The following IGSF9B variants were observed in gnomAD, a reference collection of about 807,000 sequenced individuals.
IGSF9B encodes protein turtle homolog B.
In IGSF9B, 48 loss-of-function variants were observed where a neutral mutation model predicts 143.7. The observed-to-expected ratio is 0.33, with a 90% CI of 0.26 to 0.42. IGSF9B has a LOEUF of 0.42. IGSF9B is among the 20% of genes least tolerant of loss of function. The pLI, the probability that IGSF9B is intolerant of heterozygous loss-of-function variation, is 1.00. For synonymous variants in IGSF9B, 903 were observed against 833.1 expected (o/e 1.08, Z -1.44); for missense variants, 1,706 against 1,980.0 (o/e 0.86, Z 2.63).
rs188289248 is a variant in IGSF9B, at chr11:133,917,814, T to C, written c.3983+1928A>G. ...GGAGAAGGGATGCTATGCCTGGGGC[T>C]GCTGGGAGAATAGGGTGCGGGGGGG... On this transcript the variant is annotated intron_variant, in intron 18 of 19. Coordinates refer to ENST00000533871, the MANE Select transcript of IGSF9B (RefSeq NM_001277285.4). 4.5e-3 allele frequency among the ~76,000 whole-genome samples: 688 copies of C among 152,138 alleles called. 3 individuals are homozygous for C. The highest frequency in any genetic ancestry group is 0.016 in the African/African-American group (666 of 41,522).
In IGSF9B at chr11:133,902,568, CCACACA is replaced by C. The variant is rs147664648; in HGVS notation, c.*6495_*6500del. Among the ~76,000 whole-genome samples the C allele has an allele frequency of 1.4e-5, 2 of 145,092 alleles. No homozygotes were observed. Among genetic ancestry groups the C allele is most frequent in the East Asian group, 2.1e-4 (1 of 4,850 alleles). On this transcript the variant is annotated 3_prime_UTR_variant, in exon 20 of 20. Transcript: ENST00000533871. Reference sequence around the variant, plus strand: ...CACACACCACATACACACACACACCCCACACACACACACACACACCCCACTTACTTC... The same window carrying C: ...CACACACCACATACACACACACACCCCACACACACACACCCCACTTACTTC...
chr11:133,918,584 T>C (rs1939440821), intron 18 of IGSF9B, among the ~76,000 whole-genome samples: 1 of 151,544 alleles, frequency 6.6e-6, no homozygotes, highest in African/African-American at 2.4e-5. Flanking sequence ...ACCCCCTTCC[T>C]CGGCCGGCCC....
intron 5 of IGSF9B, among the ~76,000 whole-genome samples, chr11:133,936,872 C>T (rs1293572293): frequency 6.6e-6 from 1 of 152,220 alleles, no homozygotes; most frequent in African/African-American, 2.4e-5. Flanking sequence ...TGCACAGTTC[C>T]TGGCCCCTCT....
At chr11:133,946,427 C>T (rs994571463) in intron 1 of IGSF9B, 169 bp from the exon 2 acceptor site, 49 of 618,790 alleles carry the variant, frequency 7.9e-5, no homozygotes, top group Non-Finnish European at 1.4e-4. Context: ...CTCTCCCCCT[C>T]GCTGCTCATA....
chr11:133,941,639 G>A (rs1267393190), intron 3 of IGSF9B, among the ~76,000 whole-genome samples: 1 of 152,200 alleles, frequency 6.6e-6, no homozygotes, highest in African/African-American at 2.4e-5. Context: ...CCTGTGCGCA[G>A]GTAGGTGCCT....
chr11:133,932,024 C>T (rs775508774), intron 8 of IGSF9B, 47 bp downstream of exon 8: 44 of 1,583,468 alleles, frequency 2.8e-5, no homozygotes, highest in Middle Eastern at 3.4e-4. Context: ...CATCACAGTA[C>T]TGGGGGGAGC....
intron 18 of IGSF9B, among the ~76,000 whole-genome samples, chr11:133,918,480 A>G (rs1297918979): frequency 2.6e-5 from 4 of 152,072 alleles, no homozygotes; most frequent in African/African-American, 9.7e-5. Context: ...AGATGAGCTG[A>G]GCGCGCACAA....
At chr11:133,951,818 T>G in intron 1 of IGSF9B, 1 of 192,300 alleles carries the variant, frequency 5.2e-6, no homozygotes, top group Non-Finnish European at 1.1e-5. Context: ...CTGGGCTCCG[T>G]GGTAAGATGC....
At chr11:133,927,637 C>A (rs1395076052) in intron 12 of IGSF9B, among the ~76,000 whole-genome samples, 1 of 152,172 alleles carries the variant, frequency 6.6e-6, no homozygotes, top group Non-Finnish European at 1.5e-5. Flanking sequence ...ACAGTGGGGC[C>A]AGGATCCCTA....
intron 18 of IGSF9B, among the ~76,000 whole-genome samples, chr11:133,918,087 C>G (rs1288035453): frequency 6.6e-6 from 1 of 151,234 alleles, no homozygotes; most frequent in East Asian, 2.0e-4. Context: ...CGGTGCCGAG[C>G]GTGGCTCGAT....
rs1939267361 is a variant in IGSF9B, at chr11:133,909,496, A to G, written c.4106-219T>C. On this transcript the variant is annotated intron_variant, in intron 19 of 19. Coordinates refer to ENST00000533871, the MANE Select transcript of IGSF9B (RefSeq NM_001277285.4). The surrounding 1 kb of genome is among the most constrained non-coding windows in gnomAD (Gnocchi z 4.2). ...TGACCCTGCTCCTTTCACTTGAATAAGAGTTAAGAAAGTGGAATGGAGAGG... is the reference window on the plus strand; with the variant it reads ...TGACCCTGCTCCTTTCACTTGAATAGGAGTTAAGAAAGTGGAATGGAGAGG... 6.6e-6 allele frequency among the ~76,000 whole-genome samples: 1 copy of G among 152,204 alleles called. No individual in the cohort carries two copies. Among genetic ancestry groups the G allele is most frequent in the Non-Finnish European group, 1.5e-5 (1 of 68,042 alleles).
At chr11:133,952,570 G>T (rs915638813) in intron 1 of IGSF9B, among the ~76,000 whole-genome samples, 1 of 152,126 alleles carries the variant, frequency 6.6e-6, no homozygotes, top group Admixed American at 6.5e-5. Context: ...AGCACTTGTG[G>T]GCAGGCACAC....
rs147664648 is a variant in IGSF9B at position 133,902,568 on chromosome 11, CCACACACACA to C, written c.*6491_*6500del. ...CACACACCACATACACACACACACCCCACACACACACACACACACCCCACTTACTTCCTGA... is the reference window on the plus strand; with the variant it reads ...CACACACCACATACACACACACACCCCACACACACCCCACTTACTTCCTGA... On this transcript the variant is annotated 3_prime_UTR_variant, in exon 20 of 20. Coordinates refer to ENST00000533871, the MANE Select transcript of IGSF9B (RefSeq NM_001277285.4). Among the ~76,000 whole-genome samples the C allele has an allele frequency of 6.9e-6, 1 of 145,092 alleles. No individual in the cohort carries two copies. Among genetic ancestry groups the C allele is most frequent in the African/African-American group, 2.6e-5 (1 of 38,964 alleles).
At position 133,922,553 on chromosome 11, in the gene IGSF9B, G is replaced by A. The variant is rs1939560113; in HGVS notation, c.2281+16C>T. On this transcript the variant is annotated intron_variant, in intron 16 of 19. Coordinates refer to ENST00000533871, the MANE Select transcript of IGSF9B (RefSeq NM_001277285.4). ...AACCGGGCCAGGGAGAGCAAGGGAA[G>A]GGGACAGACACCCACCTTTTTTGCG... 1 of 1,601,734 alleles carries A rather than the reference G, an allele frequency of 6.2e-7. No homozygotes were observed. Among genetic ancestry groups the A allele is most frequent in the Admixed American group, 1.7e-5 (1 of 59,710 alleles).
rs1400873963 is a variant in IGSF9B at position 133,930,869 on chromosome 11, GA to G, written c.1519+114del. 4 of 1,105,040 alleles carry G rather than the reference GA, an allele frequency of 3.6e-6. No individual in the cohort carries two copies. In the African/African-American group the frequency reaches 4.7e-5, roughly 13 times the overall value. 68.5% of individuals were successfully genotyped at this position (1,105,040 alleles called of 1,614,324 possible). ...GGAGTTCAGGGCTGCACTGACTTAGGAAGGGAGCCCGCAGAGTGCAGCGGCC... is the reference window on the plus strand; with the variant it reads ...GGAGTTCAGGGCTGCACTGACTTAGGAGGGAGCCCGCAGAGTGCAGCGGCC... On this transcript the variant is annotated intron_variant, in intron 11 of 19. Coordinates refer to ENST00000533871, the MANE Select transcript of IGSF9B (RefSeq NM_001277285.4).
rs1340142310 is a variant in IGSF9B, at chr11:133,945,579, G to C, written c.262+482C>G. On this transcript the variant is annotated intron_variant, in intron 2 of 19. Coordinates refer to ENST00000533871, the MANE Select transcript of IGSF9B (RefSeq NM_001277285.4). The surrounding 1 kb of genome is among the most constrained non-coding windows in gnomAD (Gnocchi z 4.6). ...GTAACTGCCAAACAGGACACAGACG[G>C]GGCCAGGAGAAGGAGAGGACAGCAT... 2.6e-5 allele frequency among the ~76,000 whole-genome samples: 4 copies of C among 152,184 alleles called. No homozygotes were observed. The highest frequency in any genetic ancestry group is 9.6e-5 in the African/African-American group (4 of 41,456).
chr11:133,934,887 C>G (rs1939793943), intron 7 of IGSF9B, among the ~76,000 whole-genome samples: 1 of 152,254 alleles, frequency 6.6e-6, no homozygotes, highest in South Asian at 2.1e-4. Context: ...AGCAACAATG[C>G]CAGCCTTTGT....
At position 133,901,274 on chromosome 11, in the gene IGSF9B, G is replaced by A. The variant is rs1407759339; in HGVS notation, c.*7795C>T. ...AACTCTGAACAGAGAGAATACCAAA[G>A]GAAGAGCAGGGAAGGAGGTGGCGTC... On this transcript the variant is annotated 3_prime_UTR_variant, in exon 20 of 20. Transcript: ENST00000533871. 1 of 152,212 alleles carries A rather than the reference G, an allele frequency of 6.6e-6. No individual in the cohort carries two copies. Among genetic ancestry groups the A allele is most frequent in the Non-Finnish European group, 1.5e-5 (1 of 68,034 alleles). 9.4% of individuals were successfully genotyped at this position (152,212 alleles called of 1,614,324 possible).
In IGSF9B at chr11:133,897,820, T is replaced by G. The variant is rs1939045369; in HGVS notation, c.*11249A>C. Reference sequence around the variant, plus strand: ...CACTCAAAGGTGTTCTGTGTGCAGCTGTACAATTTGTTGGTTTGTCTTTAA... The same window carrying G: ...CACTCAAAGGTGTTCTGTGTGCAGCGGTACAATTTGTTGGTTTGTCTTTAA... On this transcript the variant is annotated 3_prime_UTR_variant, in exon 20 of 20. Transcript: ENST00000533871. 6.6e-6 allele frequency: 1 copy of G among 152,252 alleles called. No individual in the cohort carries two copies. Among genetic ancestry groups the G allele is most frequent in the African/African-American group, 2.4e-5 (1 of 41,458 alleles). 9.4% of individuals were successfully genotyped at this position (152,252 alleles called of 1,614,324 possible).
Sources: gnomAD v4.1 joint callset for allele counts (sites outside exome capture counted in the v4.1 genomes callset) on GRCh38, gnomAD v4.1.1 for gene constraint, Gnocchi (gnomAD v3.1) non-coding constraint, MANE v1.5 for transcripts, NCBI Gene and HGNC (gene_info 2026-07-23, HGNC 2026-07-21) for gene names.